Variants in TAFA5 observed in about 807,000 individuals in gnomAD.
The protein encoded by TAFA5 is chemokine-like protein TAFA-5.
In TAFA5, 6 loss-of-function variants were observed where a neutral mutation model predicts 15.3. That is an observed-to-expected ratio of 0.39 (90% CI 0.21 to 0.77). The LOEUF is 0.77. TAFA5 is among the 30% of genes least tolerant of loss of function. The pLI, the probability that TAFA5 is intolerant of heterozygous loss-of-function variation, is 0.41. For missense variants in TAFA5, 161 were observed against 193.1 expected (o/e 0.83, Z 0.98); for synonymous variants, 103 against 80.7 (o/e 1.28, Z -1.48).
At chr22:48,523,979 C>T (rs1215120163) in intron 1 of TAFA5, among the ~76,000 whole-genome samples, 5 of 152,206 alleles carry the variant, frequency 3.3e-5, no homozygotes, top group African/African-American at 7.2e-5. Context: ...TACCACCGCA[C>T]GTGGTCCCAA....
rs117498633 is a variant in TAFA5, at chr22:48,669,602, C to G, written c.262+22856C>G. Among the ~76,000 whole-genome samples the G allele has an allele frequency of 8.8e-3, 1,348 of 152,334 alleles. 6 individuals are homozygous for G. Among genetic ancestry groups the G allele is most frequent in the Non-Finnish European group, 0.013 (858 of 68,034 alleles). ...TGCAGCAGGGTCCTTGGAATAATGA[C>G]GAGAGGATGCCTTCTCCATCTGTCC... On this transcript the variant is annotated intron_variant, in intron 2 of 3. Transcript: ENST00000402357.
chr22:48,590,378 CTG>C (rs1569038029), intron 1 of TAFA5, among the ~76,000 whole-genome samples: 1 of 152,216 alleles, frequency 6.6e-6, no homozygotes. Context: ...ATTTTAATAG[CTG>C]TGTATCAGCT....
intron 1 of TAFA5, among the ~76,000 whole-genome samples, chr22:48,542,122 GT>G: frequency 1.2e-5 from 1 of 82,594 alleles, no homozygotes; most frequent in East Asian, 2.8e-4. Context: ...TGTGTGTGTG[GT>G]GTGTGTGATG....
At chr22:48,688,508 T>C (rs532361162) in intron 2 of TAFA5, among the ~76,000 whole-genome samples, 2 of 152,344 alleles carry the variant, frequency 1.3e-5, no homozygotes, top group African/African-American at 4.8e-5. Context: ...CCCCAAGGCC[T>C]TGGCCCTGTC....
At chr22:48,502,804 G>T (rs1365852090) in intron 1 of TAFA5, among the ~76,000 whole-genome samples, 2 of 152,150 alleles carry the variant, frequency 1.3e-5, no homozygotes, top group Non-Finnish European at 2.9e-5. Flanking sequence ...TTACAGGCAT[G>T]AGCCACCACC....
chr22:48,532,659 C>T (rs1922013580), intron 1 of TAFA5, among the ~76,000 whole-genome samples: 1 of 152,180 alleles, frequency 6.6e-6, no homozygotes, highest in African/African-American at 2.4e-5. Context: ...CGCTGGGGGC[C>T]TCTAATGCAG....
chr22:48,538,432 T>C (rs1049089555), intron 1 of TAFA5, among the ~76,000 whole-genome samples: 4 of 152,216 alleles, frequency 2.6e-5, no homozygotes, highest in Non-Finnish European at 4.4e-5. Flanking sequence ...GAGCTTTCCC[T>C]CCCTTGAGCC....
intron 1 of TAFA5, among the ~76,000 whole-genome samples, chr22:48,541,953 C>T (rs934940880): frequency 7.2e-5 from 11 of 152,146 alleles, no homozygotes; most frequent in Non-Finnish European, 1.2e-4. Context: ...AGCTCCAGGA[C>T]GCCGAGTGCA....
chr22:48,504,868 G>T (rs897485659), intron 1 of TAFA5, among the ~76,000 whole-genome samples: 2 of 152,182 alleles, frequency 1.3e-5, no homozygotes, highest in African/African-American at 4.8e-5. Context: ...GGGCAGAGGG[G>T]CTGCAGGGTC....
At chr22:48,726,799 C>T (rs1362551570) in intron 3 of TAFA5, among the ~76,000 whole-genome samples, 1 of 152,216 alleles carries the variant, frequency 6.6e-6, no homozygotes, top group Non-Finnish European at 1.5e-5. Flanking sequence ...CAAATAGCAC[C>T]TTCCCCCAAG....
Position 48,511,562 on chromosome 22 carries a change from G to T in TAFA5, c.112+21858G>T, listed in dbSNP as rs540138835. 3.9e-5 allele frequency among the ~76,000 whole-genome samples: 6 copies of T among 152,294 alleles called. No homozygotes were observed. The East Asian group carries it at 5.8e-4, about 15-fold the overall frequency. Reference sequence around the variant, plus strand: ...AGTTTCCATTGCACAAGAGGCCCTCGCCCAGGTCAAGACAAAACTCTGTGT... The same window carrying T: ...AGTTTCCATTGCACAAGAGGCCCTCTCCCAGGTCAAGACAAAACTCTGTGT... On this transcript the variant is annotated intron_variant, in intron 1 of 3. Transcript: ENST00000402357.
At chr22:48,635,422 C>T (rs1555249) in intron 1 of TAFA5, among the ~76,000 whole-genome samples, 118,565 of 152,210 alleles carry the variant, frequency 0.78, 46,723 homozygotes, top group East Asian at 1. Flanking sequence ...CCTTCCTGGC[C>T]GCCTCTAGCA....
chr22:48,550,761 C>T lies in TAFA5; in HGVS notation c.112+61057C>T, dbSNP rs1298086725. Among the ~76,000 whole-genome samples the T allele has an allele frequency of 1.3e-5, 2 of 152,024 alleles. No homozygotes were observed. The highest frequency in any genetic ancestry group is 2.4e-5 in the African/African-American group (1 of 41,368). Reference sequence around the variant, plus strand: ...ATCCAGGGCCCCCTACTCTGATCCACGGGTGTCTGGGCTCCAGAAAGCTTT... The same window carrying T: ...ATCCAGGGCCCCCTACTCTGATCCATGGGTGTCTGGGCTCCAGAAAGCTTT... On this transcript the variant is annotated intron_variant, in intron 1 of 3. Transcript: ENST00000402357. The surrounding 1 kb of genome is among the most constrained non-coding windows in gnomAD (Gnocchi z 4.1).
At chr22:48,641,185 A>C (rs1272159078) in intron 1 of TAFA5, among the ~76,000 whole-genome samples, 1 of 151,762 alleles carries the variant, frequency 6.6e-6, no homozygotes, top group East Asian at 2.0e-4. Context: ...GGGCAGTGGG[A>C]ACAGTGGTCC....
At chr22:48,643,210 A>G (rs1184261761) in intron 1 of TAFA5, among the ~76,000 whole-genome samples, 2 of 152,234 alleles carry the variant, frequency 1.3e-5, no homozygotes, top group Non-Finnish European at 2.9e-5. Flanking sequence ...GCCATGGGAT[A>G]AGAACGTGTA....
chr22:48,545,761 G>A (rs1358314515), intron 1 of TAFA5: 3 of 152,588 alleles, frequency 2.0e-5, no homozygotes, highest in Non-Finnish European at 4.4e-5. Context: ...GTGCCCCAAG[G>A]AGATTGTCGC....
intron 2 of TAFA5, among the ~76,000 whole-genome samples, chr22:48,662,347 G>T (rs1166207367): frequency 6.6e-6 from 1 of 152,108 alleles, no homozygotes; most frequent in African/African-American, 2.4e-5. Flanking sequence ...GGAAGGTGAC[G>T]GATCACTCTG....
chr22:48,710,094 C>G (rs1366470219), intron 3 of TAFA5, among the ~76,000 whole-genome samples: 4 of 152,204 alleles, frequency 2.6e-5, no homozygotes, highest in Admixed American at 6.5e-5. Flanking sequence ...TGCCCTTCAC[C>G]CACCAGGCAC....
intron 3 of TAFA5, among the ~76,000 whole-genome samples, chr22:48,743,987 T>C (rs544666173): frequency 6.6e-6 from 1 of 152,332 alleles, no homozygotes; most frequent in East Asian, 1.9e-4. Context: ...TACTTGTTAA[T>C]TTTTCTGCGT....
Sources: gnomAD v4.1 joint callset for allele counts (sites outside exome capture counted in the v4.1 genomes callset) on GRCh38, gnomAD v4.1.1 for gene constraint, Gnocchi (gnomAD v3.1) non-coding constraint, MANE v1.5 for transcripts, NCBI Gene and HGNC (gene_info 2026-07-23, HGNC 2026-07-21) for gene names.